ZFPM2: variants seen among roughly 807,000 people sequenced by gnomAD.
ZFPM2 encodes zinc finger protein, FOG family member 2.
Under a neutral mutation model 98.6 loss-of-function variants are expected in ZFPM2, and 20 were observed. The ratio of observed to expected loss-of-function variants is 0.20; its 90% CI spans 0.14 to 0.29. The LOEUF is 0.29. Ranked by LOEUF, ZFPM2 falls within the 10% of genes least tolerant of loss-of-function variation. The pLI is 1.00. For missense variants in ZFPM2, 1,310 were observed against 1,388.6 expected, an observed-to-expected ratio of 0.94 and a Z score of 0.90; for synonymous variants, 518 against 502.7, an observed-to-expected ratio of 1.03 and a Z score of -0.41.
intron 2 of ZFPM2, among the ~76,000 whole-genome samples, chr8:105,443,336 A>AAG (rs1812304708): frequency 6.6e-6 from 1 of 151,198 alleles, no homozygotes; most frequent in Non-Finnish European, 1.5e-5. Context: ...CAAAAAAAAA[A>AAG]AAACTTGGCA....
At chr8:105,624,425 T>C (rs532107506) in intron 4 of ZFPM2, among the ~76,000 whole-genome samples, 3 of 152,120 alleles carry the variant, frequency 2.0e-5, no homozygotes, top group Non-Finnish European at 4.4e-5. Flanking sequence ...GCCAAATGTA[T>C]GTGGGGAACA....
At chr8:105,648,221 G>A (rs1438699731) in intron 5 of ZFPM2, among the ~76,000 whole-genome samples, 2 of 152,044 alleles carry the variant, frequency 1.3e-5, no homozygotes, top group African/African-American at 2.4e-5. Flanking sequence ...TTTTTGATGG[G>A]GTTGTTTGCT....
intron 5 of ZFPM2, among the ~76,000 whole-genome samples, chr8:105,650,103 G>C (rs1270037745): frequency 2.0e-5 from 3 of 152,074 alleles, no homozygotes; most frequent in Non-Finnish European, 4.4e-5. Flanking sequence ...CTAAAGTCTT[G>C]GGAGGGTCTA....
chr8:105,635,498 A>C (rs866791592), intron 5 of ZFPM2, among the ~76,000 whole-genome samples: 121 of 152,156 alleles, frequency 8.0e-4, no homozygotes, highest in African/African-American at 2.7e-3. Flanking sequence ...ATCTGATTAT[A>C]CTTTTTTCCT....
In ZFPM2 at chr8:105,376,792, G is replaced by A. The variant is rs144434572; in HGVS notation, c.41-42352G>A. On this transcript the variant is annotated intron_variant, in intron 1 of 7. Coordinates refer to ENST00000407775, the MANE Select transcript of ZFPM2 (RefSeq NM_012082.4). ...ATCATCTTCTCTTGCCCAGATTATT[G>A]CTGCCTAATGTGGTCTCTCTGAAAT... 4.0e-3 allele frequency among the ~76,000 whole-genome samples: 615 copies of A among 152,208 alleles called. 5 individuals are homozygous for A. The highest frequency in any genetic ancestry group is 0.014 in the African/African-American group (586 of 41,516).
intron 5 of ZFPM2, among the ~76,000 whole-genome samples, chr8:105,697,243 TC>T (rs1304435469): frequency 6.6e-6 from 1 of 152,220 alleles, no homozygotes; most frequent in Non-Finnish European, 1.5e-5. Flanking sequence ...GAGCGCTTAA[TC>T]TTAATTATGC....
chr8:105,721,808 A>G (rs1276596994), intron 5 of ZFPM2, among the ~76,000 whole-genome samples: 1 of 151,966 alleles, frequency 6.6e-6, no homozygotes, highest in Non-Finnish European at 1.5e-5. Flanking sequence ...GTTGAAACCT[A>G]TTCATCTCTT....
At chr8:105,413,482 T>TTATATATATATA (rs200856542) in intron 1 of ZFPM2, among the ~76,000 whole-genome samples, 16 of 140,008 alleles carry the variant, frequency 1.1e-4, no homozygotes, top group African/African-American at 3.7e-4. Flanking sequence ...AATTCAAACA[T>TTATATATATATA]TATATATATA....
intron 3 of ZFPM2, among the ~76,000 whole-genome samples, chr8:105,530,457 G>A (rs1814271814): frequency 6.6e-6 from 1 of 152,110 alleles, no homozygotes; most frequent in Admixed American, 6.5e-5. Context: ...CACAGATCGG[G>A]AGGCTAGAAG....
intron 5 of ZFPM2, among the ~76,000 whole-genome samples, chr8:105,670,370 C>T (rs1817570960): frequency 6.6e-6 from 1 of 152,022 alleles, no homozygotes; most frequent in African/African-American, 2.4e-5. Flanking sequence ...GTGGCGGGCG[C>T]CTGTAGTCCC....
intron 3 of ZFPM2, among the ~76,000 whole-genome samples, chr8:105,558,465 T>C (rs1411646766): frequency 6.6e-6 from 1 of 152,190 alleles, no homozygotes; most frequent in Admixed American, 6.5e-5. Context: ...TGTGGCCATA[T>C]TTAAGAGCTT....
intron 5 of ZFPM2, among the ~76,000 whole-genome samples, chr8:105,695,205 G>T (rs569609906): frequency 6.6e-6 from 1 of 151,816 alleles, no homozygotes; most frequent in Non-Finnish European, 1.5e-5. Context: ...ATCCTTCCAC[G>T]TACAATTCCC....
intron 3 of ZFPM2, among the ~76,000 whole-genome samples, chr8:105,464,291 T>C (rs57297770): frequency 0.035 from 5,342 of 152,142 alleles, 320 homozygotes; most frequent in African/African-American, 0.12. Context: ...TTTTATATGC[T>C]TTTACAGAAA....
intron 3 of ZFPM2, among the ~76,000 whole-genome samples, chr8:105,514,610 T>G (rs759227143): frequency 6.3e-4 from 96 of 151,948 alleles, no homozygotes; most frequent in Non-Finnish European, 1.1e-3. Context: ...CAGTACTTGT[T>G]GTGTCTGCCT....
intron 1 of ZFPM2, among the ~76,000 whole-genome samples, chr8:105,382,283 T>A (rs908403666): frequency 2.6e-5 from 4 of 152,064 alleles, no homozygotes; most frequent in African/African-American, 9.7e-5. Context: ...AGCTTTTTTT[T>A]TAAAAATCAT....
chr8:105,353,157 C>T (rs1327971304), intron 1 of ZFPM2, among the ~76,000 whole-genome samples: 3 of 152,092 alleles, frequency 2.0e-5, no homozygotes, highest in African/African-American at 4.8e-5. Context: ...ACCTTTTTCA[C>T]ACTACTTTCT....
intron 6 of ZFPM2, among the ~76,000 whole-genome samples, chr8:105,794,078 G>A (rs1399159135): frequency 1.1e-4 from 16 of 152,232 alleles, no homozygotes; most frequent in South Asian, 8.3e-4. Context: ...TCAACTCGTC[G>A]AAGTCCTTCT....
chr8:105,385,788 G>C (rs530291559), intron 1 of ZFPM2, among the ~76,000 whole-genome samples: 15 of 152,312 alleles, frequency 9.8e-5, no homozygotes, highest in Middle Eastern at 3.4e-3. Context: ...AGGATAAGCT[G>C]TGAAGGACAC....
At chr8:105,411,330 C>T (rs1243245029) in intron 1 of ZFPM2, among the ~76,000 whole-genome samples, 1 of 151,704 alleles carries the variant, frequency 6.6e-6, no homozygotes, top group East Asian at 1.9e-4. Flanking sequence ...CACCCTGCCA[C>T]CAGTCTCATA....
Sources: allele counts gnomAD v4.1 joint callset (sites outside exome capture counted in the v4.1 genomes callset), GRCh38; gene constraint gnomAD v4.1.1; transcripts MANE v1.5; gene names NCBI Gene and HGNC (gene_info 2026-07-23, HGNC 2026-07-21).